Variants in SLIT3 observed in about 807,000 individuals in gnomAD.
SLIT3 encodes slit homolog 3 protein.
In SLIT3, 68 loss-of-function variants were observed where a neutral mutation model predicts 184.0. The ratio of observed to expected loss-of-function variants is 0.37; its 90% CI spans 0.30 to 0.45. SLIT3 has a LOEUF of 0.45. SLIT3 is among the 20% of genes least tolerant of loss of function. The probability of loss-of-function intolerance (pLI) is 1.00; values close to 1 mark genes in which losing one functional copy is unlikely to be tolerated. For missense variants in SLIT3, 1,707 were observed against 2,026.0 expected (o/e 0.84, Z 3.02); for synonymous variants, 831 against 828.6 (o/e 1.00, Z -0.05).
At chr5:168,978,905 G>C (rs1754854816) in intron 4 of SLIT3, among the ~76,000 whole-genome samples, 2 of 114,984 alleles carry the variant, frequency 1.7e-5, no homozygotes, top group African/African-American at 3.3e-5. Context: ...GGAATGGGGA[G>C]CTCATTTCAG....
At chr5:169,210,682 G>T (rs930985884) in intron 3 of SLIT3, among the ~76,000 whole-genome samples, 1 of 152,164 alleles carries the variant, frequency 6.6e-6, no homozygotes, top group Admixed American at 6.6e-5. Flanking sequence ...AGTCAAAGGG[G>T]ACCAGAGGTA....
chr5:169,153,068 C>G (rs1161627906), intron 4 of SLIT3, among the ~76,000 whole-genome samples: 1 of 152,224 alleles, frequency 6.6e-6, no homozygotes, highest in Non-Finnish European at 1.5e-5. Context: ...TGATTTCAAT[C>G]CAGTTCACAT....
intron 4 of SLIT3, among the ~76,000 whole-genome samples, chr5:169,182,501 G>A (rs1375104736): frequency 2.6e-5 from 4 of 152,200 alleles, no homozygotes; most frequent in African/African-American, 7.2e-5. Context: ...AGTTACAGAT[G>A]TTTTTGGTGA....
intron 4 of SLIT3, among the ~76,000 whole-genome samples, chr5:169,181,192 T>A (rs1248842064): frequency 6.6e-6 from 1 of 152,202 alleles, no homozygotes; most frequent in Admixed American, 6.5e-5. Flanking sequence ...GTCAATGTCT[T>A]GCACTAAAGT....
At chr5:169,107,285 T>C (rs1382367000) in intron 4 of SLIT3, among the ~76,000 whole-genome samples, 1 of 152,168 alleles carries the variant, frequency 6.6e-6, no homozygotes, top group Non-Finnish European at 1.5e-5. Flanking sequence ...TGTGAAGGTG[T>C]TGGGGAGGTG....
At chr5:168,952,643 G>T (rs1252777154) in intron 4 of SLIT3, among the ~76,000 whole-genome samples, 3 of 150,378 alleles carry the variant, frequency 2.0e-5, no homozygotes, top group African/African-American at 7.4e-5. Flanking sequence ...AGAAAGAAAG[G>T]GCAAGGGTAG....
chr5:169,076,370 T>A (rs1758742148), intron 4 of SLIT3, among the ~76,000 whole-genome samples: 1 of 152,168 alleles, frequency 6.6e-6, no homozygotes, highest in Admixed American at 6.5e-5. Flanking sequence ...TCAGTAAATA[T>A]TAGTAAAATG....
At chr5:169,262,202 A>G (rs950384518) in intron 1 of SLIT3, among the ~76,000 whole-genome samples, 1 of 152,188 alleles carries the variant, frequency 6.6e-6, no homozygotes, top group African/African-American at 2.4e-5. Flanking sequence ...ATTATATGAC[A>G]ATAAAAAACA....
intron 28 of SLIT3, among the ~76,000 whole-genome samples, chr5:168,694,565 C>T (rs1162548716): frequency 6.6e-6 from 1 of 152,194 alleles, no homozygotes; most frequent in African/African-American, 2.4e-5. Flanking sequence ...CCTCAGCAGT[C>T]AGTCAGTCAG....
intron 10 of SLIT3, among the ~76,000 whole-genome samples, chr5:168,793,495 G>C (rs1201999810): frequency 6.6e-6 from 1 of 151,630 alleles, no homozygotes; most frequent in Non-Finnish European, 1.5e-5. Context: ...CCATCCTCTT[G>C]GGGGAAAAAA....
intron 11 of SLIT3, among the ~76,000 whole-genome samples, chr5:168,789,033 C>T (rs1209736173): frequency 6.6e-6 from 1 of 152,032 alleles, no homozygotes; most frequent in African/African-American, 2.4e-5. Context: ...AGCTTTGGTT[C>T]CAACCAGTGG....
At chr5:168,844,179 C>T (rs1758369484) in intron 6 of SLIT3, among the ~76,000 whole-genome samples, 1 of 152,088 alleles carries the variant, frequency 6.6e-6, no homozygotes, top group Non-Finnish European at 1.5e-5. Flanking sequence ...TCTCTCTGGC[C>T]CCAACCCCGG....
intron 4 of SLIT3, among the ~76,000 whole-genome samples, chr5:168,907,286 G>A (rs561036229): frequency 6.6e-6 from 1 of 152,192 alleles, no homozygotes; most frequent in African/African-American, 2.4e-5. Context: ...GCTTGGAGGG[G>A]TAGTCTCAGC....
chr5:168,757,985 C>T (rs1431063582), intron 16 of SLIT3, among the ~76,000 whole-genome samples: 1 of 152,214 alleles, frequency 6.6e-6, no homozygotes, highest in Non-Finnish European at 1.5e-5. Context: ...GAGCTGAACT[C>T]AGAACTCACA....
At chr5:168,982,464 C>G (rs912029982) in intron 4 of SLIT3, among the ~76,000 whole-genome samples, 1 of 152,188 alleles carries the variant, frequency 6.6e-6, no homozygotes, top group African/African-American at 2.4e-5. Context: ...GCCTCCAGAA[C>G]TGAAGGAAAT....
In SLIT3 at chr5:168,920,158, G is replaced by C. The variant is rs113051007; in HGVS notation, c.414-36822C>G. On this transcript the variant is annotated intron_variant, in intron 4 of 35. Transcript: ENST00000519560. ...GATATAAAGGCTTTTTGGGTATCTG[G>C]TCCTCACTTGGGCAGAATTCTAGAA... Among the ~76,000 whole-genome samples the C allele has an allele frequency of 8.3e-3, 1,260 of 152,186 alleles. 9 individuals are homozygous for C. The highest frequency in any genetic ancestry group is 0.027 in the Middle Eastern group (8 of 294).
At chr5:168,824,609 AG>A (rs1479353381) in intron 6 of SLIT3, among the ~76,000 whole-genome samples, 8 of 152,164 alleles carry the variant, frequency 5.3e-5, no homozygotes, top group Admixed American at 5.2e-4. Flanking sequence ...TATGTGGGGA[AG>A]TCAGGCATAG....
At chr5:169,204,731 A>T (rs762277725) in intron 3 of SLIT3, among the ~76,000 whole-genome samples, 1 of 152,162 alleles carries the variant, frequency 6.6e-6, no homozygotes, top group Non-Finnish European at 1.5e-5. Context: ...TCTTCTGACC[A>T]CTTCTGTTTC....
chr5:168,743,055 C>G (rs1168883348), intron 20 of SLIT3, among the ~76,000 whole-genome samples: 1 of 152,124 alleles, frequency 6.6e-6, no homozygotes, highest in Admixed American at 6.5e-5. Context: ...TGGCATGAAC[C>G]CTGGAGGTTC....
Sources: allele counts gnomAD v4.1 joint callset (sites outside exome capture counted in the v4.1 genomes callset), GRCh38; gene constraint gnomAD v4.1.1; transcripts MANE v1.5; gene names NCBI Gene and HGNC (gene_info 2026-07-23, HGNC 2026-07-21).